KCNB2: variants seen among roughly 807,000 people sequenced by gnomAD.
KCNB2 encodes the protein potassium voltage-gated channel subfamily B member 2, also known as delayed rectifier potassium channel protein.
A neutral mutation model predicts 61.5 loss-of-function variants in KCNB2; 15 were observed. The ratio of observed to expected loss-of-function variants is 0.24; its 90% confidence interval spans 0.16 to 0.38. The LOEUF is 0.38. Ranked by LOEUF, KCNB2 falls within the 10% of genes least tolerant of loss-of-function variation. The pLI is 1.00. For missense variants in KCNB2, 828 were observed against 1,125.2 expected (o/e 0.74, Z 3.78); for synonymous variants, 457 against 446.0 (o/e 1.02, Z -0.31).
In KCNB2 at chr8:72,561,778, G is replaced by GAT. The variant is rs1491124951; in HGVS notation, c.-93-5854_-93-5853dup. On this transcript the variant is annotated intron_variant, in intron 1 of 2. Coordinates refer to ENST00000523207, the MANE Select transcript of KCNB2 (RefSeq NM_004770.3). ...ATATATATGGATATATATATATATG[G>GAT]ATATATATATACATATATATATATA... Among the ~76,000 whole-genome samples, 11 of 34,338 alleles carry GAT rather than the reference G, an allele frequency of 3.2e-4. 5 individuals are homozygous for GAT. Among genetic ancestry groups the GAT allele is most frequent in the Non-Finnish European group, 4.7e-4 (8 of 17,144 alleles). The allele number at this position is 34,338 out of a possible 152,430, so 22.5% of individuals were successfully genotyped here.
intron 2 of KCNB2, among the ~76,000 whole-genome samples, chr8:72,933,755 T>G (rs1430736141): frequency 6.6e-6 from 1 of 152,240 alleles, no homozygotes; most frequent in Admixed American, 6.5e-5. Flanking sequence ...CATCTGAATC[T>G]ATTAGCCAGG....
At chr8:72,848,553 C>T (rs7015227) in intron 2 of KCNB2, among the ~76,000 whole-genome samples, 129,805 of 152,174 alleles carry the variant, frequency 0.85, 56,326 homozygotes, top group Middle Eastern at 0.97. Flanking sequence ...TAAATGCTTA[C>T]TCTCAATTCT....
At chr8:72,782,441 C>T (rs941897167) in intron 2 of KCNB2, among the ~76,000 whole-genome samples, 1 of 152,122 alleles carries the variant, frequency 6.6e-6, no homozygotes, top group African/African-American at 2.4e-5. Flanking sequence ...TCCCATGTCT[C>T]GTTTGCTGGC....
chr8:72,712,601 A>G (rs1016491334), intron 2 of KCNB2, among the ~76,000 whole-genome samples: 7 of 152,206 alleles, frequency 4.6e-5, no homozygotes, highest in South Asian at 2.1e-4. Context: ...ATGTGCTTCA[A>G]TATTCTTACA....
intron 2 of KCNB2, among the ~76,000 whole-genome samples, chr8:72,726,088 G>A (rs1239500323): frequency 6.6e-6 from 1 of 152,202 alleles, no homozygotes; most frequent in Non-Finnish European, 1.5e-5. Context: ...AACCCCCAAT[G>A]TGTTGGTAGT....
intron 2 of KCNB2, among the ~76,000 whole-genome samples, chr8:72,575,870 AT>A (rs1192657148): frequency 6.6e-6 from 1 of 152,204 alleles, no homozygotes; most frequent in Admixed American, 6.5e-5. Flanking sequence ...CAATCCTATA[AT>A]TTTTTTAAAG....
At chr8:72,691,746 A>G (rs1806943149) in intron 2 of KCNB2, among the ~76,000 whole-genome samples, 1 of 152,088 alleles carries the variant, frequency 6.6e-6, no homozygotes, top group Non-Finnish European at 1.5e-5. Context: ...GCTTCATTCT[A>G]TTTCATTTCT....
intron 1 of KCNB2, among the ~76,000 whole-genome samples, chr8:72,548,321 A>G (rs1049021320): frequency 6.6e-6 from 1 of 152,170 alleles, no homozygotes; most frequent in Non-Finnish European, 1.5e-5. Context: ...TAAAATTTCC[A>G]TTTGGAAAAA....
chr8:72,805,489 C>T (rs1238611989), intron 2 of KCNB2, among the ~76,000 whole-genome samples: 1 of 152,176 alleles, frequency 6.6e-6, no homozygotes, highest in Non-Finnish European at 1.5e-5. Context: ...AGTTGAAGAA[C>T]ATTATCTTAG....
intron 2 of KCNB2, among the ~76,000 whole-genome samples, chr8:72,852,874 T>G (rs1487634282): frequency 6.6e-6 from 1 of 152,246 alleles, no homozygotes; most frequent in Non-Finnish European, 1.5e-5. Context: ...ATCATAACAC[T>G]TTCTCATTAA....
chr8:72,739,556 G>A (rs1159531025), intron 2 of KCNB2, among the ~76,000 whole-genome samples: 1 of 151,940 alleles, frequency 6.6e-6, no homozygotes, highest in African/African-American at 2.4e-5. Context: ...GCGAGTGGAA[G>A]TGCATTTCAA....
chr8:72,775,989 T>G (rs978090451), intron 2 of KCNB2, among the ~76,000 whole-genome samples: 1 of 152,068 alleles, frequency 6.6e-6, no homozygotes, highest in African/African-American at 2.4e-5. Context: ...TAGCAAAGAC[T>G]TGGAACCAAC....
intron 2 of KCNB2, among the ~76,000 whole-genome samples, chr8:72,656,690 A>G (rs921347587): frequency 2.0e-5 from 3 of 152,194 alleles, no homozygotes; most frequent in African/African-American, 7.2e-5. Flanking sequence ...CCTTCACATT[A>G]TATTCATAGG....
At chr8:72,557,311 T>C (rs938794364) in intron 1 of KCNB2, among the ~76,000 whole-genome samples, 1 of 152,186 alleles carries the variant, frequency 6.6e-6, no homozygotes, top group Non-Finnish European at 1.5e-5. Context: ...TACATTCTAT[T>C]ATTCGGAAAG....
chr8:72,663,952 GTCC>G (rs1806424154), intron 2 of KCNB2, among the ~76,000 whole-genome samples: 1 of 152,138 alleles, frequency 6.6e-6, no homozygotes, highest in African/African-American at 2.4e-5. Flanking sequence ...TAAATAAATG[GTCC>G]TCCTCCTTCT....
In KCNB2 at chr8:72,558,328, T is replaced by C. The variant is rs185625689; in HGVS notation, c.-93-9314T>C. Among the ~76,000 whole-genome samples the C allele has an allele frequency of 1.5e-3, 227 of 152,322 alleles. 1 individual carries two copies. Among genetic ancestry groups the C allele is most frequent in the African/African-American group, 5.3e-3 (222 of 41,590 alleles). ...ACTGTGCCTCAAGCAGTGTAGGGGT[T>C]CATACATATTTGCTGCATGATAAGA... On this transcript the variant is annotated intron_variant, in intron 1 of 2. Coordinates refer to ENST00000523207, the MANE Select transcript of KCNB2 (RefSeq NM_004770.3).
chr8:72,760,804 C>T (rs144378499), intron 2 of KCNB2, among the ~76,000 whole-genome samples: 188 of 152,226 alleles, frequency 1.2e-3, no homozygotes, highest in African/African-American at 4.0e-3. Flanking sequence ...CAAGTGGGGT[C>T]CACATCATCA....
chr8:72,650,430 C>T (rs1421571670), intron 2 of KCNB2, among the ~76,000 whole-genome samples: 5 of 152,184 alleles, frequency 3.3e-5, no homozygotes, highest in African/African-American at 1.2e-4. Context: ...TAGAAGAGCT[C>T]TGGCTTTGAG....
intron 2 of KCNB2, among the ~76,000 whole-genome samples, chr8:72,927,756 G>A (rs574899386): frequency 2.6e-5 from 4 of 152,178 alleles, no homozygotes; most frequent in Non-Finnish European, 5.9e-5. Context: ...ACCCTTATAT[G>A]CAGCAGTCCT....
Sources: allele counts gnomAD v4.1 joint callset (sites outside exome capture counted in the v4.1 genomes callset), GRCh38; gene constraint gnomAD v4.1.1; transcripts MANE v1.5; gene names NCBI Gene and HGNC (gene_info 2026-07-23, HGNC 2026-07-21).